MAP2K4: variants seen among roughly 807,000 people sequenced by gnomAD.
MAP2K4 encodes the protein dual specificity mitogen-activated protein kinase kinase 4.
Under a neutral mutation model 48.5 loss-of-function variants are expected in MAP2K4, and 4 were observed. That is an observed-to-expected ratio of 0.08 (90% confidence interval 0.04 to 0.19). MAP2K4 has a LOEUF of 0.19. Among genes scored for constraint, MAP2K4 ranks in the 10% least tolerant of loss-of-function variants. The probability of loss-of-function intolerance (pLI) is 1.00; values close to 1 mark genes in which losing one functional copy is unlikely to be tolerated. For missense variants in MAP2K4, 258 were observed against 493.3 expected (o/e 0.52, Z 4.52); for synonymous variants, 166 against 173.1 (o/e 0.96, Z 0.32).
At chr17:12,082,083 C>A in intron 3 of MAP2K4, 1 of 353,066 alleles carries the variant, frequency 2.8e-6, no homozygotes, top group Non-Finnish European at 6.3e-6. Context: ...GAAATGCATA[C>A]CTTGTGATAA....
Position 12,081,568 on chromosome 17 carries a change from A to G in MAP2K4, c.393+38A>G. On this transcript the variant is annotated intron_variant, in intron 3 of 10. Coordinates refer to ENST00000353533, the MANE Select transcript of MAP2K4 (RefSeq NM_003010.4). This position sits in a 1 kb window ranked among gnomAD's most constrained non-coding sequence, Gnocchi z 4.2. ...ATGATTATTTTTGGTACTTTAATCC[A>G]TTAGGTGAAATTTCATGGTGCAGTA... The G allele has an allele frequency of 1.3e-6, 2 of 1,592,224 alleles. No individual in the cohort carries two copies. The highest frequency in any genetic ancestry group is 2.2e-5 in the East Asian group (1 of 44,674).
chr17:12,038,628 T>C (rs1009561471), intron 1 of MAP2K4, among the ~76,000 whole-genome samples: 1 of 152,166 alleles, frequency 6.6e-6, no homozygotes, highest in African/African-American at 2.4e-5. Flanking sequence ...AGATTGAGCA[T>C]ATATAGGAGC....
At chr17:12,103,852 G>T (rs865852282) in intron 4 of MAP2K4, among the ~76,000 whole-genome samples, 5 of 151,902 alleles carry the variant, frequency 3.3e-5, no homozygotes, top group African/African-American at 1.2e-4. Context: ...TACAGATTTA[G>T]TTAATTTATT....
At chr17:12,069,151 A>T (rs1225181586) in intron 2 of MAP2K4, among the ~76,000 whole-genome samples, 1 of 152,182 alleles carries the variant, frequency 6.6e-6, no homozygotes, top group Non-Finnish European at 1.5e-5. Flanking sequence ...TGTTCTGAGA[A>T]TGCTAGTAAA....
chr17:12,026,267 G>A (rs187375681), intron 1 of MAP2K4, among the ~76,000 whole-genome samples: 136 of 152,026 alleles, frequency 8.9e-4, no homozygotes, highest in Non-Finnish European at 1.8e-3. Flanking sequence ...TTCTTTTTTC[G>A]TAAATTTTTC....
Position 12,142,452 on chromosome 17 carries a change from AG to A in MAP2K4, c.*1193del, listed in dbSNP as rs1259832318. ...TTTTTCTATATCAAAAAACCTTTAC[AG>A]TTAGCAGGGATGTTCCTTACCAAGG... On this transcript the variant is annotated 3_prime_UTR_variant, in exon 11 of 11. Transcript: ENST00000353533. The A allele has an allele frequency of 8.6e-6, 2 of 232,886 alleles. No homozygotes were observed. The highest frequency in any genetic ancestry group is 4.4e-5 in the African/African-American group (2 of 45,328). The allele number at this position is 232,886 out of a possible 1,614,324, so 14.4% of individuals were successfully genotyped here.
At chr17:12,101,843 A>T (rs1027419946) in intron 4 of MAP2K4, among the ~76,000 whole-genome samples, 8 of 152,036 alleles carry the variant, frequency 5.3e-5, no homozygotes, top group Non-Finnish European at 1.2e-4. Flanking sequence ...ATATCATTTG[A>T]TTTTTTTATA....
intron 1 of MAP2K4, among the ~76,000 whole-genome samples, chr17:12,031,426 G>C (rs923499654): frequency 6.6e-6 from 1 of 152,008 alleles, no homozygotes; most frequent in African/African-American, 2.4e-5. Flanking sequence ...CCTTCATTTT[G>C]TTCCCCAAAA....
intron 3 of MAP2K4, among the ~76,000 whole-genome samples, chr17:12,092,518 C>T (rs1971594679): frequency 6.6e-6 from 1 of 152,134 alleles, no homozygotes; most frequent in Non-Finnish European, 1.5e-5. Context: ...GCTTTAGTCT[C>T]TTAAGTATTC....
intron 1 of MAP2K4, among the ~76,000 whole-genome samples, chr17:12,023,153 G>A (rs1235865797): frequency 6.6e-6 from 1 of 152,192 alleles, no homozygotes; most frequent in African/African-American, 2.4e-5. Flanking sequence ...ATTCAGGAAT[G>A]TGTTATATCT....
At position 12,043,678 on chromosome 17, in the gene MAP2K4, A is replaced by G. The variant is rs560240994; in HGVS notation, c.116-11211A>G. ...AAGGTTACAGCTCATGAACAGCCAA[A>G]TGGAAGAGATAGGACCCTGTATAGG... On this transcript the variant is annotated intron_variant, in intron 1 of 10. Coordinates refer to ENST00000353533, the MANE Select transcript of MAP2K4 (RefSeq NM_003010.4). Among the ~76,000 whole-genome samples, 24 of 152,286 alleles carry G rather than the reference A, an allele frequency of 1.6e-4. No homozygotes were observed. The South Asian group carries it at 4.8e-3, about 30-fold the overall frequency.
At chr17:12,021,563 T>G (rs1969057394) in intron 1 of MAP2K4, 1 of 147,462 alleles carries the variant, frequency 6.8e-6, no homozygotes, top group African/African-American at 2.5e-5. Flanking sequence ...CGGGGGCCTC[T>G]TGGAACCTGC....
chr17:12,079,380 T>G (rs1464504124), intron 2 of MAP2K4, among the ~76,000 whole-genome samples: 1 of 152,182 alleles, frequency 6.6e-6, no homozygotes, highest in Non-Finnish European at 1.5e-5. Context: ...TATCTTTCAT[T>G]TCAGTTCTCA....
chr17:12,129,911 T>C (rs1309398902), intron 9 of MAP2K4, among the ~76,000 whole-genome samples: 1 of 152,246 alleles, frequency 6.6e-6, no homozygotes, highest in Non-Finnish European at 1.5e-5. Context: ...TATGCAGATA[T>C]GGCAGTAATA....
Position 12,099,408 on chromosome 17 carries a change from G to A in MAP2K4, c.513+3714G>A, listed in dbSNP as rs187351308. ...TTATTTTTCTTTGGGTAGATACCCA[G>A]TAGTAGGATTGCTGGATCAAATGGT... On this transcript the variant is annotated intron_variant, in intron 4 of 10. Transcript: ENST00000353533. Among the ~76,000 whole-genome samples the A allele has an allele frequency of 1.1e-4, 16 of 152,294 alleles. No individual in the cohort carries two copies. The East Asian group carries it at 3.1e-3, about 29-fold the overall frequency.
intron 7 of MAP2K4, among the ~76,000 whole-genome samples, chr17:12,118,563 A>G (rs756733567): frequency 6.6e-5 from 10 of 152,166 alleles, no homozygotes; most frequent in Non-Finnish European, 1.0e-4. Flanking sequence ...TCCATTGATA[A>G]CTGTTCTGCT....
intron 1 of MAP2K4, among the ~76,000 whole-genome samples, chr17:12,029,913 C>G (rs1309552183): frequency 2.0e-5 from 3 of 149,814 alleles, no homozygotes; most frequent in Non-Finnish European, 4.4e-5. Context: ...AAGACCCTGT[C>G]TCTAAAAAAA....
intron 4 of MAP2K4, among the ~76,000 whole-genome samples, chr17:12,107,025 TTC>T (rs1237549320): frequency 2.6e-5 from 4 of 152,152 alleles, no homozygotes; most frequent in Admixed American, 2.6e-4. Context: ...ACACATTTAT[TTC>T]TGTTTTATTG....
intron 1 of MAP2K4, among the ~76,000 whole-genome samples, chr17:12,030,669 CA>C (rs1969408510): frequency 6.6e-6 from 1 of 152,170 alleles, no homozygotes; most frequent in Non-Finnish European, 1.5e-5. Flanking sequence ...CACAACCTTA[CA>C]TATAGATCCA....
Sources: gnomAD v4.1 joint callset for allele counts (sites outside exome capture counted in the v4.1 genomes callset) on GRCh38, gnomAD v4.1.1 for gene constraint, Gnocchi (gnomAD v3.1) non-coding constraint, MANE v1.5 for transcripts, NCBI Gene and HGNC (gene_info 2026-07-23, HGNC 2026-07-21) for gene names.